The following WWP2 variants were observed in gnomAD, a reference collection of about 807,000 sequenced individuals.
WWP2 encodes WW domain containing E3 ubiquitin protein ligase 2, also known as NEDD4-like E3 ubiquitin-protein ligase WWP2.
WWP2 carries 57 observed loss-of-function variants against 121.0 expected under a neutral mutation model. The ratio of observed to expected loss-of-function variants is 0.47; its 90% CI spans 0.38 to 0.59. The LOEUF (loss-of-function observed/expected upper bound fraction) is 0.59. Among genes scored for constraint, WWP2 ranks in the 20% least tolerant of loss-of-function variants. The pLI, the probability that WWP2 is intolerant of heterozygous loss-of-function variation, is 0.00. For synonymous variants in WWP2, 449 were observed against 441.3 expected (o/e 1.02, Z -0.22); for missense variants, 962 against 1,158.9 (o/e 0.83, Z 2.47).
intron 16 of WWP2, chr16:69,933,000 G>A (rs899123844): frequency 1.5e-5 from 7 of 472,714 alleles, no homozygotes; most frequent in Middle Eastern, 3.5e-4. Flanking sequence ...CGCTGGCCCC[G>A]TGGATGGATG....
chr16:69,914,733 G>A (rs2058455027), intron 9 of WWP2, among the ~76,000 whole-genome samples: 1 of 152,140 alleles, frequency 6.6e-6, no homozygotes, highest in South Asian at 2.1e-4. Context: ...TCCAGCCTGG[G>A]CAACAGAGCA....
intron 10 of WWP2, among the ~76,000 whole-genome samples, chr16:69,920,165 G>T (rs1044837806): frequency 6.6e-6 from 1 of 152,108 alleles, no homozygotes; most frequent in African/African-American, 2.4e-5. Context: ...TCTGTCTGTG[G>T]GGATGGATTG....
chr16:69,913,412 G>GA (rs1318517949), intron 9 of WWP2, among the ~76,000 whole-genome samples: 1 of 151,912 alleles, frequency 6.6e-6, no homozygotes, highest in Non-Finnish European at 1.5e-5. Flanking sequence ...TGAGGTGGGA[G>GA]AATCAGTTGG....
In WWP2 at chr16:69,936,426, A is replaced by G. The variant is rs1983016; in HGVS notation, c.2091A>G (p.Thr697=). The change falls in exon 19 of 24, where the codon ACA becomes ACG. Residue 697 remains threonine (T), a synonymous_variant. Coordinates refer to ENST00000359154, the MANE Select transcript of WWP2 (RefSeq NM_001270454.2). ...AGGGCGGCGAGAGCATCCGGGTCAC[A>G]GAGGAGAACAAGGAAGAGTACATCA... ...LKEGGESIRV[T]EENKEEYIML... The G allele has an allele frequency of 0.76, 1,220,605 of 1,613,844 alleles. 463,990 individuals carry two copies. Among genetic ancestry groups the G allele is most frequent in the East Asian group, 0.96 (43,178 of 44,864 alleles).
At chr16:69,777,796 G>A (rs2055567722) in intron 1 of WWP2, among the ~76,000 whole-genome samples, 2 of 150,730 alleles carry the variant, frequency 1.3e-5, no homozygotes, top group South Asian at 4.2e-4. Flanking sequence ...ACCAAGTGTG[G>A]TGGCTCATGC....
intron 1 of WWP2, among the ~76,000 whole-genome samples, chr16:69,786,665 G>T (rs1205808962): frequency 6.6e-6 from 1 of 151,602 alleles, no homozygotes; most frequent in South Asian, 2.1e-4. Flanking sequence ...TGGTCAGGCT[G>T]GTCTCAAACT....
intron 1 of WWP2, among the ~76,000 whole-genome samples, chr16:69,779,196 C>G (rs1328140879): frequency 6.6e-6 from 1 of 151,980 alleles, no homozygotes; most frequent in African/African-American, 2.4e-5. Context: ...GGTGATCCAC[C>G]TGCCTCGGCC....
At position 69,798,700 on chromosome 16, in the gene WWP2, A is replaced by G. The variant is rs2056098803; in HGVS notation, c.89A>G (p.Lys30Arg). 2 of 1,613,996 alleles carry G rather than the reference A, an allele frequency of 1.2e-6. No individual in the cohort carries two copies. Among genetic ancestry groups the G allele is most frequent in the Non-Finnish European group, 1.7e-6 (2 of 1,179,990 alleles). ...CTCCCAGTGGTGTCCGCAAAGCCCA[A>G]GGTGCATAATCGTCAACCTCGAATT... ...LTLKVVSAKP[K>R]VHNRQPRINS... The change falls in exon 3 of 24, where the codon AAG becomes AGG. Residue 30 changes from lysine to arginine, a missense_variant. Physicochemically the swap from Lys to Arg is conservative, Grantham distance 26 (BLOSUM62 2). Around this residue, in one of 3 missense-constraint regions of WWP2, gnomAD observed 145 missense variants for 189.8 expected, o/e 0.76. Transcript: ENST00000359154.
intron 4 of WWP2, among the ~76,000 whole-genome samples, chr16:69,808,835 C>A (rs1031195575): frequency 1.3e-5 from 2 of 152,216 alleles, no homozygotes; most frequent in Non-Finnish European, 2.9e-5. Context: ...GACATAAACA[C>A]TCTCAGGACA....
intron 2 of WWP2, among the ~76,000 whole-genome samples, chr16:69,798,267 G>A (rs2056088411): frequency 1.3e-5 from 2 of 152,172 alleles, no homozygotes; most frequent in South Asian, 2.1e-4. Flanking sequence ...TTTCCCCAGA[G>A]CGAACAATTG....
chr16:69,907,279 T>TG (rs1180055984), intron 8 of WWP2, among the ~76,000 whole-genome samples: 1 of 152,204 alleles, frequency 6.6e-6, no homozygotes, highest in African/African-American at 2.4e-5. Context: ...TAGGTTTAGC[T>TG]GGGGGAAGTC....
intron 4 of WWP2, among the ~76,000 whole-genome samples, chr16:69,812,238 C>T (rs986794642): frequency 7.3e-6 from 1 of 136,686 alleles, no homozygotes; most frequent in Non-Finnish European, 1.5e-5. Flanking sequence ...ATGATCTTGG[C>T]TAACTGCAAC....
chr16:69,818,388 G>A lies in WWP2; in HGVS notation c.340+19093G>A, dbSNP rs371185823. Among the ~76,000 whole-genome samples the A allele has an allele frequency of 8.6e-5, 13 of 151,988 alleles. No homozygotes were observed. The East Asian group carries it at 2.3e-3, about 27-fold the overall frequency. ...ACGCCCAGCTAATTTTTTATTTTTA[G>A]TAGAGATGGGGTTTCACCATGTTGA... On this transcript the variant is annotated intron_variant, in intron 4 of 23. Transcript: ENST00000359154.
chr16:69,802,216 C>T (rs529586831), intron 4 of WWP2, among the ~76,000 whole-genome samples: 46 of 152,216 alleles, frequency 3.0e-4, no homozygotes, highest in Admixed American at 4.6e-4. Flanking sequence ...CATGAGCCAC[C>T]GTGCCTGGCC....
intron 6 of WWP2, among the ~76,000 whole-genome samples, chr16:69,844,537 A>G (rs968296745): frequency 6.6e-6 from 1 of 152,134 alleles, no homozygotes; most frequent in African/African-American, 2.4e-5. Flanking sequence ...TTCTTGACCT[A>G]TTTACTGGTC....
intron 1 of WWP2, among the ~76,000 whole-genome samples, chr16:69,784,923 G>GT (rs879492533): frequency 0.012 from 1,730 of 143,984 alleles, 23 homozygotes; most frequent in African/African-American, 0.034. Context: ...TAAAATATGA[G>GT]TTTTTTTTTT....
intron 1 of WWP2, chr16:69,776,135 C>T (rs1441239902): frequency 6.6e-6 from 1 of 152,150 alleles, no homozygotes; most frequent in African/African-American, 2.4e-5. Flanking sequence ...TTTTAGTGGG[C>T]CTGTGTCCCA....
intron 1 of WWP2, among the ~76,000 whole-genome samples, chr16:69,772,112 C>G (rs191649417): frequency 1.3e-5 from 2 of 151,556 alleles, no homozygotes; most frequent in Admixed American, 1.3e-4. Context: ...CAGGCACGCA[C>G]CACTACACCT....
chr16:69,825,787 GTC>G lies in WWP2; in HGVS notation c.341-14337_341-14336del, dbSNP rs548623862. 1.4e-4 allele frequency among the ~76,000 whole-genome samples: 22 copies of G among 151,810 alleles called. No homozygotes were observed. The South Asian group carries it at 4.6e-3, about 32-fold the overall frequency. ...ACCACAGGTGCATGCCACTACACCTGTCTAAGTTTTTACATTTTTTGTAGACA... is the reference window on the plus strand; with the variant it reads ...ACCACAGGTGCATGCCACTACACCTGTAAGTTTTTACATTTTTTGTAGACA... On this transcript the variant is annotated intron_variant, in intron 4 of 23. Transcript: ENST00000359154.
Sources: allele counts gnomAD v4.1 joint callset (sites outside exome capture counted in the v4.1 genomes callset), GRCh38; gene constraint gnomAD v4.1.1; regional missense constraint gnomAD v4.1.1; transcripts MANE v1.5; gene names NCBI Gene and HGNC (gene_info 2026-07-23, HGNC 2026-07-21).